Variants in ETNK1 observed in about 807,000 individuals in gnomAD.
The protein encoded by ETNK1 is ethanolamine kinase 1.
ETNK1 carries 8 observed loss-of-function variants against 45.1 expected under a neutral mutation model. That is an observed-to-expected ratio of 0.18 (90% CI 0.10 to 0.32). ETNK1 has a LOEUF of 0.32. Among genes scored for constraint, ETNK1 ranks in the 10% least tolerant of loss-of-function variants. ETNK1 has a pLI of 1.00. For synonymous variants in ETNK1, 152 were observed against 151.9 expected (o/e 1.00, Z -0.01); for missense variants, 302 against 430.6 (o/e 0.70, Z 2.64).
intron 6 of ETNK1, among the ~76,000 whole-genome samples, chr12:22,680,382 G>A (rs2137576709): frequency 6.6e-6 from 1 of 152,144 alleles, no homozygotes; most frequent in Middle Eastern, 3.4e-3. Context: ...TAATTAGATT[G>A]TGTCACTTTT....
intron 4 of ETNK1, among the ~76,000 whole-genome samples, chr12:22,667,072 C>T (rs981282315): frequency 6.6e-6 from 1 of 151,900 alleles, no homozygotes; most frequent in African/African-American, 2.4e-5. Flanking sequence ...TATTCTCAAC[C>T]ACTAGTTAGC....
intron 2 of ETNK1, chr12:22,656,654 T>A: frequency 3.0e-6 from 3 of 985,244 alleles, no homozygotes; most frequent in African/African-American, 1.7e-5. Flanking sequence ...AGTCATGGAG[T>A]TCTGACAGTT....
intron 1 of ETNK1, among the ~76,000 whole-genome samples, chr12:22,633,963 T>G (rs1187719965): frequency 6.6e-6 from 1 of 152,108 alleles, no homozygotes; most frequent in Non-Finnish European, 1.5e-5. Flanking sequence ...ACTGCACTAG[T>G]AAGGACCTCT....
At chr12:22,651,644 A>G (rs1184237929) in intron 2 of ETNK1, among the ~76,000 whole-genome samples, 2 of 143,456 alleles carry the variant, frequency 1.4e-5, no homozygotes, top group South Asian at 2.1e-4. Context: ...ATTTCCTAAC[A>G]TATTTTTTTT....
intron 1 of ETNK1, among the ~76,000 whole-genome samples, chr12:22,634,742 A>G (rs1020886115): frequency 6.6e-6 from 1 of 151,982 alleles, no homozygotes; most frequent in Non-Finnish European, 1.5e-5. Context: ...ATTTGTACAG[A>G]TGGGATTTCA....
At chr12:22,661,243 C>T in intron 4 of ETNK1, 38 bp downstream of exon 4, 16 of 1,535,054 alleles carry the variant, frequency 1.0e-5, no homozygotes, top group Non-Finnish European at 1.1e-5. Flanking sequence ...AAATTGATTT[C>T]TTTTATGTTC....
chr12:22,647,543 T>A (rs1953822370), intron 2 of ETNK1, among the ~76,000 whole-genome samples: 1 of 151,898 alleles, frequency 6.6e-6, no homozygotes, highest in Admixed American at 6.6e-5. Flanking sequence ...GAAATGTAAC[T>A]TTTTGACTAT....
At chr12:22,670,682 A>T (rs529034049) in intron 4 of ETNK1, among the ~76,000 whole-genome samples, 157 of 152,320 alleles carry the variant, frequency 1.0e-3, no homozygotes, top group Non-Finnish European at 1.8e-3. Context: ...TGCTGCTCAG[A>T]TATGGAAACC....
chr12:22,672,735 T>C (rs1954121558), intron 5 of ETNK1, among the ~76,000 whole-genome samples: 1 of 152,192 alleles, frequency 6.6e-6, no homozygotes, highest in Non-Finnish European at 1.5e-5. Flanking sequence ...CTTACTTTTA[T>C]AGGATATAGA....
intron 2 of ETNK1, among the ~76,000 whole-genome samples, chr12:22,655,615 G>T (rs1456346748): frequency 6.6e-6 from 1 of 150,890 alleles, no homozygotes; most frequent in Non-Finnish European, 1.5e-5. Flanking sequence ...GGGATTACAG[G>T]CATGAGCCAC....
intron 5 of ETNK1, among the ~76,000 whole-genome samples, chr12:22,672,346 A>G (rs557112270): frequency 3.9e-4 from 59 of 151,988 alleles, no homozygotes; most frequent in Non-Finnish European, 7.8e-4. Context: ...GGAATTTTTT[A>G]TTGTTGAATT....
chr12:22,650,402 T>TG (rs1169674296), intron 2 of ETNK1, among the ~76,000 whole-genome samples: 1 of 152,150 alleles, frequency 6.6e-6, no homozygotes, highest in East Asian at 1.9e-4. Context: ...AAGTAGGATG[T>TG]TAGCTGTAGT....
At chr12:22,635,246 G>C (rs1428589417) in intron 1 of ETNK1, among the ~76,000 whole-genome samples, 1 of 152,204 alleles carries the variant, frequency 6.6e-6, no homozygotes, top group Non-Finnish European at 1.5e-5. Context: ...CAGTATGTGT[G>C]TCATATGTCA....
Position 22,633,271 on chromosome 12 carries a change from G to A in ETNK1, c.156+7685G>A, listed in dbSNP as rs7954355. On this transcript the variant is annotated intron_variant, in intron 1 of 7. Coordinates refer to ENST00000266517, the MANE Select transcript of ETNK1 (RefSeq NM_018638.5). ...TGTCTTTATTTTTTTCTTTCACCAC[G>A]TTGGCCAGGCTGGTCTTGAACTCCT... Among the ~76,000 whole-genome samples the A allele has an allele frequency of 1.8e-3, 268 of 151,878 alleles. 1 individual carries two copies. Among genetic ancestry groups the A allele is most frequent in the Middle Eastern group, 6.8e-3 (2 of 294 alleles).
chr12:22,673,487 T>A lies in ETNK1; in HGVS notation c.785-13T>A, dbSNP rs766734846. On this transcript the variant is annotated splice_polypyrimidine_tract_variant and intron_variant, in intron 5 of 7. Coordinates refer to ENST00000266517, the MANE Select transcript of ETNK1 (RefSeq NM_018638.5). Reference sequence around the variant, plus strand: ...TTTTAAAATTTTTGAGTGTAGTTTTTTTTCTTCTAAAGGTGTGAGTGATGT... The same window carrying A: ...TTTTAAAATTTTTGAGTGTAGTTTTATTTCTTCTAAAGGTGTGAGTGATGT... 1.3e-6 allele frequency: 2 copies of A among 1,548,980 alleles called. No individual in the cohort carries two copies. Among genetic ancestry groups the A allele is most frequent in the Non-Finnish European group, 1.7e-6 (2 of 1,143,872 alleles).
intron 1 of ETNK1, among the ~76,000 whole-genome samples, chr12:22,636,989 CGGATACCAAGG>C (rs1335398764): frequency 6.6e-6 from 1 of 152,160 alleles, no homozygotes; most frequent in Admixed American, 6.5e-5. Context: ...GAATCCCCCT[CGGATACCAAGG>C]GGATACAGTG....
chr12:22,625,382 GGTCGCC>G lies in ETNK1; in HGVS notation c.-38_-33del. 3 of 1,563,284 alleles carry G rather than the reference GGTCGCC, an allele frequency of 1.9e-6. No individual in the cohort carries two copies. Among genetic ancestry groups the G allele is most frequent in the Non-Finnish European group, 2.6e-6 (3 of 1,158,504 alleles). On this transcript the variant is annotated 5_prime_UTR_variant, in exon 1 of 8. Coordinates refer to ENST00000266517, the MANE Select transcript of ETNK1 (RefSeq NM_018638.5). ...GTCTGTCGGCGCCCGCCGTTCTCGT[GGTCGCC>G]GTCGCCGTCGTCGTGGTGGTAGTCT... is the stretch of plus-strand genomic sequence containing the variant.
At position 22,690,191 on chromosome 12, in the gene ETNK1, A is replaced by T. The variant is rs920848347; in HGVS notation, c.*5237A>T. On this transcript the variant is annotated 3_prime_UTR_variant, in exon 8 of 8. Coordinates refer to ENST00000266517, the MANE Select transcript of ETNK1 (RefSeq NM_018638.5). The stretch of plus-strand genomic sequence containing the variant: ...CTTTGTATATAATGTAAGTGCTACA[A>T]ATAGTCTCAGCACTGAAAATGTATT... 2 of 152,638 alleles carry T rather than the reference A, an allele frequency of 1.3e-5. No individual in the cohort carries two copies. The highest frequency in any genetic ancestry group is 3.9e-4 in the East Asian group (2 of 5,190). 9.5% of individuals were successfully genotyped at this position (152,638 alleles called of 1,614,324 possible). A position where few individuals can be genotyped will look rare whatever the true frequency, so the allele number is the denominator to read the frequency against.
chr12:22,651,959 T>G (rs891667458), intron 2 of ETNK1, among the ~76,000 whole-genome samples: 26 of 152,204 alleles, frequency 1.7e-4, no homozygotes, highest in Admixed American at 1.6e-3. Context: ...ATGCTGGGAT[T>G]ACAGGCGTGA....
Sources: allele counts gnomAD v4.1 joint callset (sites outside exome capture counted in the v4.1 genomes callset), GRCh38; gene constraint gnomAD v4.1.1; transcripts MANE v1.5; gene names NCBI Gene and HGNC (gene_info 2026-07-23, HGNC 2026-07-21).